EHBP1: variants seen among roughly 807,000 people sequenced by gnomAD.
EHBP1 encodes the protein EH domain binding protein 1, also known as EH domain-binding protein 1.
In EHBP1, 55 loss-of-function variants were observed where a neutral mutation model predicts 144.0. The observed-to-expected ratio is 0.38, with a 90% CI of 0.31 to 0.48. The LOEUF (loss-of-function observed/expected upper bound fraction) is 0.48. EHBP1 is among the 20% of genes least tolerant of loss of function. The probability of loss-of-function intolerance (pLI) is 0.98; values close to 1 mark genes in which losing one functional copy is unlikely to be tolerated. For synonymous variants in EHBP1, 469 were observed against 472.7 expected, an observed-to-expected ratio of 0.99 and a Z score of 0.10; for missense variants, 1,200 against 1,364.2, an observed-to-expected ratio of 0.88 and a Z score of 1.90.
At chr2:63,005,858 T>G (rs894046020) in intron 19 of EHBP1, among the ~76,000 whole-genome samples, 3 of 152,070 alleles carry the variant, frequency 2.0e-5, no homozygotes, top group Non-Finnish European at 2.9e-5. Context: ...CTATGGTCCC[T>G]GCTTTAGAGG....
rs922286228 is a variant in EHBP1 at position 62,840,721 on chromosome 2, CA to C, written c.634+9569del. Among the ~76,000 whole-genome samples the C allele has an allele frequency of 4.1e-4, 62 of 150,846 alleles. 1 individual carries two copies. The highest frequency in any genetic ancestry group is 1.4e-3 in the African/African-American group (56 of 41,142). On this transcript the variant is annotated intron_variant, in intron 7 of 22. Transcript: ENST00000431489. Reference sequence around the variant, plus strand: ...TCTCAAAAGAAGACATTTATGCAGCCAAAAAACACATGAAAAAATGCTCATC... The same window carrying C: ...TCTCAAAAGAAGACATTTATGCAGCCAAAAACACATGAAAAAATGCTCATC...
intron 2 of EHBP1, among the ~76,000 whole-genome samples, chr2:62,717,447 A>G (rs955803578): frequency 3.9e-5 from 6 of 152,238 alleles, no homozygotes; most frequent in East Asian, 1.9e-4. Flanking sequence ...TGAATACTCA[A>G]TAGGGATGTT....
chr2:62,943,876 A>G (rs759025577), intron 12 of EHBP1, 26 bp downstream of exon 12: 2 of 1,568,140 alleles, frequency 1.3e-6, no homozygotes, highest in Non-Finnish European at 1.7e-6. Context: ...CAAGAAAAAT[A>G]CGTAGTTTCA....
At position 62,709,468 on chromosome 2, in the gene EHBP1, C is replaced by T. The variant is rs1042790057; in HGVS notation, c.104+2173C>T. 4.6e-5 allele frequency among the ~76,000 whole-genome samples: 7 copies of T among 152,124 alleles called. 1 individual carries two copies. Among genetic ancestry groups the T allele is most frequent in the Admixed American group, 4.6e-4 (7 of 15,272 alleles). On this transcript the variant is annotated intron_variant, in intron 2 of 22. Coordinates refer to ENST00000431489, the MANE Select transcript of EHBP1 (RefSeq NM_001142616.3). Reference sequence around the variant, plus strand: ...AATAGAACATTATCAGGTGATTCCTCAGTTAGAAAATCAGTTTCTTCCTCA... The same window carrying T: ...AATAGAACATTATCAGGTGATTCCTTAGTTAGAAAATCAGTTTCTTCCTCA...
chr2:62,902,235 A>G (rs1248816285), intron 10 of EHBP1, among the ~76,000 whole-genome samples: 1 of 152,180 alleles, frequency 6.6e-6, no homozygotes, highest in African/African-American at 2.4e-5. Context: ...CGATTAAGGT[A>G]TGAATTTTTC....
At chr2:62,747,295 G>A (rs1389731169) in intron 2 of EHBP1, 100 bp from the exon 3 acceptor site, 1 of 966,204 alleles carries the variant, frequency 1.0e-6, no homozygotes, top group Non-Finnish European at 1.6e-6. Flanking sequence ...GCTGCTTTAT[G>A]TAGCCTAAAG....
At chr2:62,986,391 T>G (rs1559027433) in intron 15 of EHBP1, among the ~76,000 whole-genome samples, 1 of 151,960 alleles carries the variant, frequency 6.6e-6, no homozygotes, top group African/African-American at 2.4e-5. Flanking sequence ...TCTCTATGCT[T>G]TTTTGCCCCC....
At chr2:62,737,428 A>T (rs1243706829) in intron 2 of EHBP1, among the ~76,000 whole-genome samples, 1 of 151,776 alleles carries the variant, frequency 6.6e-6, no homozygotes, top group Non-Finnish European at 1.5e-5. Flanking sequence ...TCAGTAGTTG[A>T]TCAATTACAG....
chr2:62,854,011 AT>A (rs1433596049), intron 7 of EHBP1, among the ~76,000 whole-genome samples: 1 of 152,236 alleles, frequency 6.6e-6, no homozygotes, highest in African/African-American at 2.4e-5. Context: ...GGCACAGTAC[AT>A]TTAGCATCAT....
At chr2:62,692,915 G>A (rs575991523) in intron 1 of EHBP1, among the ~76,000 whole-genome samples, 117 of 151,672 alleles carry the variant, frequency 7.7e-4, no homozygotes, top group Non-Finnish European at 1.5e-3. Flanking sequence ...AAAAATTATC[G>A]TTGACTGTAA....
intron 5 of EHBP1, among the ~76,000 whole-genome samples, chr2:62,783,286 A>G (rs1236535851): frequency 1.3e-5 from 2 of 152,144 alleles, no homozygotes; most frequent in African/African-American, 4.8e-5. Context: ...TTCCAGGTGC[A>G]CAGTGCAACC....
chr2:62,826,099 G>C lies in EHBP1; in HGVS notation c.325G>C (p.Gly109Arg). The C allele has an allele frequency of 1.3e-6, 2 of 1,482,502 alleles. No individual in the cohort carries two copies. Among genetic ancestry groups the C allele is most frequent in the Non-Finnish European group, 1.8e-6 (2 of 1,115,126 alleles). The allele number at this position is 1,482,502 out of a possible 1,614,324, so 91.8% of individuals were successfully genotyped here. ...TTTAATCTTCCAGGAATCCCCTTCT[G>C]GTCGAAGGAAAGCTCTTGCTACTAG... ...TFVIENESPS[G>R]RRKALATSSI... Residue 109 changes from glycine (G) to arginine (R), a missense_variant, in exon 6 of 23, where the codon GGT becomes CGT. Gly to Arg is a moderately radical substitution (Grantham distance 125). This residue lies in a region of EHBP1 where 137 missense variants were observed against 190.1 expected (regional missense o/e 0.72). Coordinates refer to ENST00000431489, the MANE Select transcript of EHBP1 (RefSeq NM_001142616.3).
intron 1 of EHBP1, among the ~76,000 whole-genome samples, chr2:62,680,341 G>A (rs1291821355): frequency 6.6e-6 from 1 of 152,164 alleles, no homozygotes; most frequent in African/African-American, 2.4e-5. Flanking sequence ...AAAGATAAGT[G>A]AATTACCAGA....
chr2:62,843,870 C>T (rs1427770455), intron 7 of EHBP1, among the ~76,000 whole-genome samples: 1 of 152,078 alleles, frequency 6.6e-6, no homozygotes, highest in Non-Finnish European at 1.5e-5. Flanking sequence ...TATTTACCAG[C>T]AAAAGTGGCA....
At chr2:62,831,734 G>T (rs545902206) in intron 7 of EHBP1, among the ~76,000 whole-genome samples, 1 of 152,200 alleles carries the variant, frequency 6.6e-6, no homozygotes, top group East Asian at 1.9e-4. Context: ...TTAAGCAATT[G>T]ATGTCATACT....
intron 10 of EHBP1, among the ~76,000 whole-genome samples, chr2:62,921,097 A>C (rs751674386): frequency 1.3e-5 from 2 of 152,238 alleles, no homozygotes; most frequent in African/African-American, 2.4e-5. Flanking sequence ...GTTAGAAGTT[A>C]CTGAAGTTAA....
intron 1 of EHBP1, among the ~76,000 whole-genome samples, chr2:62,699,325 T>A (rs1353187934): frequency 6.6e-6 from 1 of 152,224 alleles, no homozygotes; most frequent in Non-Finnish European, 1.5e-5. Context: ...TCATGGGAAA[T>A]GACCAGTAAG....
chr2:62,750,912 C>T (rs1181071323), intron 3 of EHBP1, among the ~76,000 whole-genome samples: 1 of 152,140 alleles, frequency 6.6e-6, no homozygotes, highest in African/African-American at 2.4e-5. Flanking sequence ...TCTAAATATA[C>T]AATCATGTCA....
At chr2:62,971,292 C>T (rs2058486138) in intron 14 of EHBP1, among the ~76,000 whole-genome samples, 1 of 152,126 alleles carries the variant, frequency 6.6e-6, no homozygotes, top group South Asian at 2.1e-4. Context: ...AAGAGAAAAG[C>T]AAAGCTTAAA....
Sources: allele counts gnomAD v4.1 joint callset (sites outside exome capture counted in the v4.1 genomes callset), GRCh38; gene constraint gnomAD v4.1.1; regional missense constraint gnomAD v4.1.1; transcripts MANE v1.5; gene names NCBI Gene and HGNC (gene_info 2026-07-23, HGNC 2026-07-21).